ZMAT4: variants seen among roughly 807,000 people sequenced by gnomAD.
The protein encoded by ZMAT4 is zinc finger matrin-type protein 4.
A neutral mutation model predicts 28.7 loss-of-function variants in ZMAT4; 17 were observed. That is an observed-to-expected ratio of 0.59 (90% CI 0.41 to 0.89). The LOEUF is 0.89. Ranked by LOEUF, ZMAT4 falls within the 40% of genes least tolerant of loss-of-function variation. The probability of loss-of-function intolerance (pLI) is 0.00; values close to 1 mark genes in which losing one functional copy is unlikely to be tolerated. For missense variants in ZMAT4, 240 were observed against 283.8 expected (o/e 0.85, Z 1.11); for synonymous variants, 117 against 109.2 (o/e 1.07, Z -0.44).
intron 3 of ZMAT4, among the ~76,000 whole-genome samples, chr8:40,736,106 C>T (rs1811751007): frequency 2.0e-5 from 3 of 152,200 alleles, no homozygotes; most frequent in Admixed American, 2.0e-4. Context: ...TTCAGACCTA[C>T]AGCCCATCAG....
At chr8:40,755,019 A>C (rs1194586347) in intron 3 of ZMAT4, among the ~76,000 whole-genome samples, 6 of 152,184 alleles carry the variant, frequency 3.9e-5, no homozygotes. Flanking sequence ...TGAAAGAAGG[A>C]AAAGAAAGAA....
chr8:40,724,827 A>T (rs897910236), intron 3 of ZMAT4, among the ~76,000 whole-genome samples: 3 of 152,188 alleles, frequency 2.0e-5, no homozygotes, highest in African/African-American at 7.2e-5. Flanking sequence ...AAGGGAAAGA[A>T]ATGCAGAGCA....
chr8:40,599,934 T>G (rs1805241818), intron 5 of ZMAT4, among the ~76,000 whole-genome samples: 1 of 152,188 alleles, frequency 6.6e-6, no homozygotes, highest in South Asian at 2.1e-4. Flanking sequence ...GATTATCTCC[T>G]TTCATCAAGC....
chr8:40,682,061 T>TA (rs1351056619), intron 4 of ZMAT4, among the ~76,000 whole-genome samples: 1 of 152,156 alleles, frequency 6.6e-6, no homozygotes, highest in Non-Finnish European at 1.5e-5. Flanking sequence ...TAAAACAATA[T>TA]AGACTAGAAG....
At chr8:40,846,731 C>T (rs1816914054) in intron 1 of ZMAT4, among the ~76,000 whole-genome samples, 2 of 152,138 alleles carry the variant, frequency 1.3e-5, no homozygotes, top group African/African-American at 2.4e-5. Context: ...GGCAGACCCG[C>T]ACAGCTGCTG....
chr8:40,563,672 A>T (rs1563341765), intron 6 of ZMAT4, among the ~76,000 whole-genome samples: 1 of 152,184 alleles, frequency 6.6e-6, no homozygotes, highest in Non-Finnish European at 1.5e-5. Context: ...ATATCTTATG[A>T]AATTATTCCA....
chr8:40,713,737 G>A (rs930416152), intron 3 of ZMAT4, among the ~76,000 whole-genome samples: 8 of 151,292 alleles, frequency 5.3e-5, no homozygotes, highest in African/African-American at 9.7e-5. Flanking sequence ...GGTGAAACCC[G>A]GCGTCTACTA....
At chr8:40,638,086 T>C (rs1806862901) in intron 5 of ZMAT4, among the ~76,000 whole-genome samples, 1 of 152,132 alleles carries the variant, frequency 6.6e-6, no homozygotes, top group Non-Finnish European at 1.5e-5. Flanking sequence ...AGAGGAGACG[T>C]TGGTCAAAGG....
intron 6 of ZMAT4, among the ~76,000 whole-genome samples, chr8:40,570,465 G>A (rs116434008): frequency 7.1e-4 from 108 of 152,238 alleles, no homozygotes; most frequent in African/African-American, 2.5e-3. Context: ...GTGGGAGGTC[G>A]AGGCAGGAGG....
intron 3 of ZMAT4, among the ~76,000 whole-genome samples, chr8:40,765,160 G>A (rs1165072507): frequency 1.3e-5 from 2 of 152,030 alleles, no homozygotes; most frequent in Admixed American, 6.6e-5. Flanking sequence ...CCCTGGCCCC[G>A]GACCCAGCAA....
intron 2 of ZMAT4, among the ~76,000 whole-genome samples, chr8:40,787,093 A>G (rs914750717): frequency 2.0e-5 from 3 of 152,224 alleles, no homozygotes; most frequent in Admixed American, 6.5e-5. Flanking sequence ...AAGTGTCCCA[A>G]TCAATTTTAA....
chr8:40,610,180 C>A (rs1370625123), intron 5 of ZMAT4, among the ~76,000 whole-genome samples: 1 of 152,126 alleles, frequency 6.6e-6, no homozygotes, highest in Non-Finnish European at 1.5e-5. Context: ...TTACCAAATC[C>A]GGAATGTGAA....
Position 40,857,717 on chromosome 8 carries a change from C to T in ZMAT4, c.-4-32037G>A, listed in dbSNP as rs1817348549. 2.0e-5 allele frequency among the ~76,000 whole-genome samples: 3 copies of T among 152,126 alleles called. 1 individual carries two copies. Among genetic ancestry groups the T allele is most frequent in the Admixed American group, 2.0e-4 (3 of 15,284 alleles). On this transcript the variant is annotated intron_variant, in intron 1 of 6. Transcript: ENST00000297737. ...AAAAACATATGTCCCCAAAAAGGCT[C>T]ATATAAGAATATACATTGAAACTTT...
chr8:40,895,073 G>T (rs1818823257), intron 1 of ZMAT4, among the ~76,000 whole-genome samples: 1 of 152,146 alleles, frequency 6.6e-6, no homozygotes, highest in Admixed American at 6.5e-5. Flanking sequence ...GAGGGGTAAG[G>T]AGAGGACTTT....
intron 1 of ZMAT4, among the ~76,000 whole-genome samples, chr8:40,836,778 G>C (rs999813952): frequency 5.3e-5 from 8 of 152,222 alleles, no homozygotes; most frequent in Admixed American, 2.0e-4. Flanking sequence ...AGACAGAAGG[G>C]ATGAGAGAGA....
intron 5 of ZMAT4, among the ~76,000 whole-genome samples, chr8:40,623,914 CA>C (rs1374789820): frequency 2.7e-5 from 4 of 149,430 alleles, no homozygotes; most frequent in Non-Finnish European, 4.4e-5. Context: ...CTGGATCCTA[CA>C]GGCATTTGAA....
At chr8:40,814,506 A>G (rs1392005586) in intron 2 of ZMAT4, among the ~76,000 whole-genome samples, 2 of 152,262 alleles carry the variant, frequency 1.3e-5, no homozygotes, top group African/African-American at 4.8e-5. Context: ...AGTATTCACA[A>G]GGAGAAAGTC....
At chr8:40,571,206 A>G (rs1804087113) in intron 6 of ZMAT4, among the ~76,000 whole-genome samples, 1 of 152,194 alleles carries the variant, frequency 6.6e-6, no homozygotes, top group Admixed American at 6.5e-5. Flanking sequence ...CTCCCCATTT[A>G]GTTCTTTTCA....
intron 1 of ZMAT4, among the ~76,000 whole-genome samples, chr8:40,858,865 G>A (rs1375769599): frequency 6.6e-6 from 1 of 152,158 alleles, no homozygotes; most frequent in South Asian, 2.1e-4. Flanking sequence ...ATTTGTACAC[G>A]GGTCTTTGCC....
Sources: gnomAD v4.1 joint callset for allele counts (sites outside exome capture counted in the v4.1 genomes callset) on GRCh38, gnomAD v4.1.1 for gene constraint, MANE v1.5 for transcripts, NCBI Gene and HGNC (gene_info 2026-07-23, HGNC 2026-07-21) for gene names.